UTP14A: variants seen among roughly 807,000 people sequenced by gnomAD.
UTP14A encodes the protein UTP14A small subunit processome component.
In UTP14A, 5 loss-of-function variants were observed where a neutral mutation model predicts 57.2. The ratio of observed to expected loss-of-function variants is 0.09; its 90% CI spans 0.05 to 0.18. UTP14A has a LOEUF of 0.18. UTP14A is among the 10% of genes least tolerant of loss of function. The pLI is 1.00. For missense variants in UTP14A, 430 were observed against 562.1 expected, an observed-to-expected ratio of 0.76 and a Z score of 2.38; for synonymous variants, 169 against 210.9, an observed-to-expected ratio of 0.80 and a Z score of 1.72.
Position 129,921,313 on chromosome X carries a change from C to T in UTP14A, c.1074C>T (p.Val358=), listed in dbSNP as rs373703225. ...GGTEDVEELL[V]PDVVNEVQMN... ...CAGAAGATGTGGAAGAACTCCTTGTCCCTGATGTAGTGAATGAAGTGCAGA... is the reference window on the plus strand; with the variant it reads ...CAGAAGATGTGGAAGAACTCCTTGTTCCTGATGTAGTGAATGAAGTGCAGA... The change falls in exon 11 of 15, where the codon GTC becomes GTT. Residue 358 remains valine (V), a synonymous_variant. Coordinates refer to ENST00000394422, the MANE Select transcript of UTP14A (RefSeq NM_006649.4). The T allele has an allele frequency of 7.4e-6, 9 of 1,209,597 alleles. No individual in the cohort carries two copies. Among genetic ancestry groups the T allele is most frequent in the Non-Finnish European group, 1.0e-5 (9 of 895,237 alleles).
chrX:129,913,179 T>C (rs1929545424), intron 6 of UTP14A, among the ~76,000 whole-genome samples: 1 of 111,854 alleles, frequency 8.9e-6, no homozygotes, highest in South Asian at 3.7e-4. Flanking sequence ...CGTTGGGAAG[T>C]TGAGCTAATT....
chrX:129,908,016 T>G, intron 2 of UTP14A, 44 bp from the exon 3 acceptor site: 2 of 1,065,878 alleles, frequency 1.9e-6, no homozygotes, highest in Non-Finnish European at 2.6e-6. Context: ...TGTTGTCTTT[T>G]CCCTCCCCCT....
rs1305368836 is a variant in UTP14A at position 129,925,123 on chromosome X, C to T, written c.1677C>T (p.Ile559=). The T allele has an allele frequency of 2.1e-5, 25 of 1,209,860 alleles. No individual in the cohort carries two copies. In the Admixed American group the frequency reaches 3.9e-4, roughly 19 times the overall value. The stretch of plus-strand genomic sequence containing the variant: ...AGAAGAAAAAGAAGGAGCAAATGAT[C>T]GACCTACAGAACCTCCTAACCACAC... The part of the protein sequence containing the change: ...PKEKKKKEQM[I]DLQNLLTTQS... Residue 559 remains isoleucine, a synonymous_variant, in exon 12 of 15, where the codon ATC becomes ATT. Coordinates refer to ENST00000394422, the MANE Select transcript of UTP14A (RefSeq NM_006649.4).
chrX:129,910,961 T>A (rs1470188868), intron 4 of UTP14A, 47 bp from the exon 5 acceptor site: 2 of 1,198,882 alleles, frequency 1.7e-6, no homozygotes, highest in South Asian at 3.7e-5. Context: ...TATATTGAGA[T>A]CTTGTCTCAC....
chrX:129,906,353 G>A (rs1289800788), intron 1 of UTP14A, 117 bp downstream of exon 1: 5 of 712,329 alleles, frequency 7.0e-6, no homozygotes, highest in Non-Finnish European at 1.1e-5. Flanking sequence ...TGAAGAGCTG[G>A]CCATTCGTTC....
rs1930234225 is a variant in UTP14A, at chrX:129,929,431, C to G, written c.2139C>G (p.Phe713Leu). ...CCACATGGAACACCCAGAGGGCTTT[C>G]CAAAAGCTGACTACTCCCAAGGTCG... ...IGSTWNTQRA[F>L]QKLTTPKVVT... Residue 713 changes from phenylalanine to leucine, a missense_variant, in exon 15 of 15, where the codon TTC (phenylalanine) becomes TTG (leucine). Coordinates refer to ENST00000394422, the MANE Select transcript of UTP14A (RefSeq NM_006649.4). The G allele has an allele frequency of 1.7e-6, 2 of 1,211,920 alleles. No individual in the cohort carries two copies. Among genetic ancestry groups the G allele is most frequent in the African/African-American group, 1.7e-5 (1 of 57,777 alleles).
At position 129,924,864 on chromosome X, in the gene UTP14A, C is replaced by G. The variant is rs780842376; in HGVS notation, c.1418C>G (p.Ser473Cys). Residue 473 changes from serine (S) to cysteine (C), a missense_variant, in exon 12 of 15, where the codon TCC (serine) becomes TGC (cysteine). By Grantham distance (112) the Ser-to-Cys change is moderately radical. Coordinates refer to ENST00000394422, the MANE Select transcript of UTP14A (RefSeq NM_006649.4). ...CAGAAATTGAAGGAAAACCATCAGT[C>G]CAGGAAGCAAAAAGCAAGTTCAGAG... is the stretch of plus-strand genomic sequence containing the variant. Reference protein sequence around the residue: ...LSQKLKENHQSRKQKASSEGT... With the variant: ...LSQKLKENHQCRKQKASSEGT... 2 of 1,210,899 alleles carry G rather than the reference C, an allele frequency of 1.7e-6. No homozygotes were observed. The highest frequency in any genetic ancestry group is 1.8e-5 in the South Asian group (1 of 56,913).
Position 129,919,636 on chromosome X carries a change from C to G in UTP14A, c.752+147C>G, listed in dbSNP as rs1569338891. On this transcript the variant is annotated intron_variant, in intron 8 of 14. Coordinates refer to ENST00000394422, the MANE Select transcript of UTP14A (RefSeq NM_006649.4). ...AGGAGTGACTAGCCTTTTGTTCCCC[C>G]CAAACCAACCTCATACAGTTTTGCC... The G allele has an allele frequency of 4.8e-6, 3 of 631,568 alleles. No individual in the cohort carries two copies. The East Asian group carries it at 1.1e-4, about 23-fold the overall frequency. 52.0% of individuals were successfully genotyped at this position (631,568 alleles called of 1,213,427 possible). A position where few individuals can be genotyped will look rare whatever the true frequency, so the allele number is the denominator to read the frequency against.
At chrX:129,911,620 C>A in intron 5 of UTP14A, 146 bp from the exon 6 acceptor site, 1 of 668,275 alleles carries the variant, frequency 1.5e-6, no homozygotes, top group South Asian at 2.8e-5. Flanking sequence ...AGCAAGAGGA[C>A]TAGCATCCTG....
chrX:129,921,660 T>A (rs1290432046), intron 11 of UTP14A, 73 bp downstream of exon 11: 1 of 1,082,797 alleles, frequency 9.2e-7, no homozygotes, highest in East Asian at 3.1e-5. Context: ...AAAAAATGTG[T>A]CCACCCACAC....
intron 6 of UTP14A, among the ~76,000 whole-genome samples, chrX:129,916,079 A>G (rs1288588455): frequency 9.6e-6 from 1 of 104,552 alleles, no homozygotes. Context: ...TCAGCCTCCC[A>G]AGTAGCTGGG....
In UTP14A at chrX:129,920,833, G is replaced by A. The variant is rs1929882926; in HGVS notation, c.954+81G>A. ...AGAGTTGGGGAAGAGCCATGAGGAT[G>A]GATGGAAAACCAGGAATCTAAAAAG... On this transcript the variant is annotated intron_variant, in intron 10 of 14. Transcript: ENST00000394422. 5 of 1,196,393 alleles carry A rather than the reference G, an allele frequency of 4.2e-6. No homozygotes were observed. In the Admixed American group the frequency reaches 9.2e-5, roughly 22 times the overall value.
At position 129,919,015 on chromosome X, in the gene UTP14A, T is replaced by A. The variant is rs1295506876; in HGVS notation, c.538-160T>A. Among the ~76,000 whole-genome samples, 37 of 112,402 alleles carry A rather than the reference T, an allele frequency of 3.3e-4. 1 individual carries two copies. In the Admixed American group the frequency reaches 3.5e-3, roughly 11 times the overall value. The stretch of plus-strand genomic sequence containing the variant: ...TCAAATAAGGCTTTATTTATACTTC[T>A]GACAACAAGACTGGAACCCCCTTCT... On this transcript the variant is annotated intron_variant, in intron 6 of 14. Transcript: ENST00000394422.
At chrX:129,917,915 C>CA (rs1469514883) in intron 6 of UTP14A, among the ~76,000 whole-genome samples, 7 of 111,192 alleles carry the variant, frequency 6.3e-5, no homozygotes, top group Admixed American at 4.8e-4. Context: ...AAGACTCTGC[C>CA]AAAAAAATGC....
intron 12 of UTP14A, 139 bp downstream of exon 12, chrX:129,925,334 A>G: frequency 1.2e-6 from 1 of 834,959 alleles, no homozygotes; most frequent in African/African-American, 2.0e-5. Flanking sequence ...AGTCCCAGTG[A>G]CGTTTTAATA....
chrX:129,921,146 T>C, intron 10 of UTP14A, 48 bp from the exon 11 acceptor site: 2 of 1,163,218 alleles, frequency 1.7e-6, no homozygotes, highest in Non-Finnish European at 2.3e-6. Flanking sequence ...AAAGGTGTTA[T>C]TGCGGTCACT....
chrX:129,907,540 C>T, intron 2 of UTP14A, 98 bp downstream of exon 2: 1 of 750,640 alleles, frequency 1.3e-6, no homozygotes, highest in East Asian at 3.4e-5. Flanking sequence ...GTTCAGGTCT[C>T]TCAAATAAAT....
chrX:129,908,078 A>C lies in UTP14A; in HGVS notation c.121A>C (p.Arg41=), dbSNP rs781407385. The C allele has an allele frequency of 1.2e-5, 15 of 1,207,154 alleles. No homozygotes were observed. In the South Asian group the frequency reaches 2.3e-4, roughly 19 times the overall value. ...GTCTTAGGGGGACAATGATGGAGAGAGAAAGCATCAAAAGCTTCTGGAAGC... is the reference window on the plus strand; with the variant it reads ...GTCTTAGGGGGACAATGATGGAGAGCGAAAGCATCAAAAGCTTCTGGAAGC... The part of the protein sequence containing the change: ...SEDEGDNDGE[R]KHQKLLEAIS... Residue 41 remains arginine (R), a synonymous_variant, in exon 3 of 15, where the codon AGA becomes CGA. Transcript: ENST00000394422.
In UTP14A at chrX:129,925,098, A is replaced by G; in HGVS notation, c.1652A>G (p.Glu551Gly). The change falls in exon 12 of 15, where the codon GAG becomes GGG. Residue 551 changes from glutamate to glycine, a missense_variant. Physicochemically the swap from Glu to Gly is moderately conservative, Grantham distance 98. Around this residue, in one of 4 missense-constraint regions of UTP14A, gnomAD observed 120 missense variants for 116.8 expected, o/e 1.03. Transcript: ENST00000394422. ...AATAATCGCCCTGATGCCCCTAAGG[A>G]GAAGAAAAAGAAGGAGCAAATGATC... is the stretch of plus-strand genomic sequence containing the variant. ...TPNNRPDAPK[E>G]KKKKEQMIDL... 8.3e-7 allele frequency: 1 copy of G among 1,211,494 alleles called. No homozygotes were observed. Among genetic ancestry groups the G allele is most frequent in the South Asian group, 1.8e-5 (1 of 56,965 alleles).
Sources: allele counts gnomAD v4.1 joint callset (sites outside exome capture counted in the v4.1 genomes callset), GRCh38; gene constraint gnomAD v4.1.1; regional missense constraint gnomAD v4.1.1; transcripts MANE v1.5; gene names NCBI Gene and HGNC (gene_info 2026-07-23, HGNC 2026-07-21).